FRMPD4: variants seen among roughly 807,000 people sequenced by gnomAD.
FRMPD4 encodes FERM and PDZ domain-containing protein 4.
FRMPD4 carries 22 observed loss-of-function variants against 94.1 expected under a neutral mutation model. That is an observed-to-expected ratio of 0.23 (90% CI 0.17 to 0.33). The LOEUF (loss-of-function observed/expected upper bound fraction) is 0.33, where lower values mean the gene tolerates loss of function less well. FRMPD4 is among the 10% of genes least tolerant of loss of function. The pLI is 1.00. For synonymous variants in FRMPD4, 631 were observed against 548.6 expected (o/e 1.15, Z -2.10); for missense variants, 1,111 against 1,339.9 (o/e 0.83, Z 2.67).
chrX:12,598,612 C>T (rs1361939443), intron 2 of FRMPD4, among the ~76,000 whole-genome samples: 1 of 111,294 alleles, frequency 9.0e-6, no homozygotes, highest in East Asian at 2.8e-4. Flanking sequence ...TTCACATGTA[C>T]AAGGCTCAGA....
At chrX:12,461,400 C>A (rs1318962937) in intron 1 of FRMPD4, among the ~76,000 whole-genome samples, 1 of 112,094 alleles carries the variant, frequency 8.9e-6, no homozygotes, top group Admixed American at 9.4e-5. Context: ...TAGGGAGTTA[C>A]AATTCAAGAT....
chrX:12,096,843 T>C (rs1327922487), intron 3 of FRMPD4, among the ~76,000 whole-genome samples: 2 of 111,526 alleles, frequency 1.8e-5, no homozygotes, highest in Non-Finnish European at 3.8e-5. Flanking sequence ...ACTATGATCA[T>C]GCCACTGCAC....
chrX:12,000,192 C>A (rs188967543), intron 3 of FRMPD4, among the ~76,000 whole-genome samples: 1 of 112,134 alleles, frequency 8.9e-6, no homozygotes, highest in Admixed American at 9.5e-5. Context: ...CCCCTCTCAG[C>A]TCCTACCACA....
At chrX:11,878,065 CT>C (rs2053794900) in intron 3 of FRMPD4, among the ~76,000 whole-genome samples, 1 of 111,960 alleles carries the variant, frequency 8.9e-6, no homozygotes, top group African/African-American at 3.2e-5. Flanking sequence ...CTTATTGTTG[CT>C]TTCTGAGATG....
intron 2 of FRMPD4, among the ~76,000 whole-genome samples, chrX:12,530,740 T>TA (rs963281173): frequency 9.0e-6 from 1 of 111,685 alleles, no homozygotes; most frequent in African/African-American, 3.3e-5. Context: ...AGAAGTCTCT[T>TA]AAAAGAAGGA....
At chrX:12,110,093 C>A (rs1447261110) in intron 3 of FRMPD4, among the ~76,000 whole-genome samples, 1 of 111,906 alleles carries the variant, frequency 8.9e-6, no homozygotes, top group Non-Finnish European at 1.9e-5. Context: ...ATCCTGATAC[C>A]AAAGCCTGAT....
In FRMPD4 at chrX:12,305,725, G is replaced by GTTTTTTTTTTTT. The variant is rs58794898; in HGVS notation, c.41+166724_41+166735dup. Reference sequence around the variant, plus strand: ...GGCATGTACCACCACAGCTGGCTAAGTTTTTTTTTTTTTTTTTTTTTTACA... The same window carrying GTTTTTTTTTTTT: ...GGCATGTACCACCACAGCTGGCTAAGTTTTTTTTTTTTTTTTTTTTTTTTTTTTTTTTTTACA... On this transcript the variant is annotated intron_variant, in intron 1 of 16. Coordinates refer to ENST00000675598, the MANE Select transcript of FRMPD4 (RefSeq NM_001368397.1). Among the ~76,000 whole-genome samples, 26 of 59,701 alleles carry GTTTTTTTTTTTT rather than the reference G, an allele frequency of 4.4e-4. 2 individuals are homozygous for GTTTTTTTTTTTT. Among genetic ancestry groups the GTTTTTTTTTTTT allele is most frequent in the African/African-American group, 1.7e-3 (22 of 13,238 alleles). The allele number at this position is 59,701 out of a possible 115,157, so 51.8% of individuals were successfully genotyped here.
intron 2 of FRMPD4, among the ~76,000 whole-genome samples, chrX:12,520,164 G>A (rs1417708833): frequency 8.9e-6 from 1 of 111,972 alleles, no homozygotes; most frequent in Admixed American, 9.4e-5. Flanking sequence ...ATCAACAGAT[G>A]AATAAACAAA....
At chrX:12,428,071 A>G (rs1349821223) in intron 1 of FRMPD4, among the ~76,000 whole-genome samples, 1 of 108,658 alleles carries the variant, frequency 9.2e-6, no homozygotes, top group Non-Finnish European at 1.9e-5. Context: ...CACCATGCCC[A>G]GCTAATTTTT....
chrX:12,020,644 A>T (rs1373887900), intron 3 of FRMPD4, among the ~76,000 whole-genome samples: 1 of 112,279 alleles, frequency 8.9e-6, no homozygotes, highest in Non-Finnish European at 1.9e-5. Flanking sequence ...GATGTAATTG[A>T]GTTACATATG....
intron 1 of FRMPD4, among the ~76,000 whole-genome samples, chrX:12,413,766 T>A (rs1174243161): frequency 8.9e-6 from 1 of 112,371 alleles, no homozygotes; most frequent in Non-Finnish European, 1.9e-5. Context: ...CCTTTAAATG[T>A]GCAAATTCTT....
intron 1 of FRMPD4, among the ~76,000 whole-genome samples, chrX:12,246,269 G>A (rs1050415990): frequency 1.3e-4 from 15 of 112,070 alleles, no homozygotes; most frequent in East Asian, 2.8e-4. Context: ...AATGAGATCC[G>A]TCCTTCCATT....
At chrX:12,377,505 G>A (rs2056255598) in intron 1 of FRMPD4, among the ~76,000 whole-genome samples, 3 of 112,148 alleles carry the variant, frequency 2.7e-5, no homozygotes, top group Non-Finnish European at 5.6e-5. Flanking sequence ...ATGAAGGACT[G>A]CAGAGCCGTT....
chrX:12,018,923 G>A (rs1464877252), intron 3 of FRMPD4, among the ~76,000 whole-genome samples: 1 of 111,794 alleles, frequency 8.9e-6, no homozygotes, highest in African/African-American at 3.3e-5. Context: ...AAAGTCCTTT[G>A]GCCAGAGGTG....
At chrX:12,107,495 T>C (rs1278055862) in intron 3 of FRMPD4, among the ~76,000 whole-genome samples, 1 of 111,463 alleles carries the variant, frequency 9.0e-6, no homozygotes, top group African/African-American at 3.3e-5. Flanking sequence ...AGAGCGCCTC[T>C]CCCCCTCCAA....
intron 14 of FRMPD4, 71 bp from the exon 15 acceptor site, chrX:12,715,998 G>GCCGGGGGGCCCCCCCC: frequency 2.6e-6 from 1 of 383,858 alleles, no homozygotes; most frequent in Non-Finnish European, 4.7e-6. Flanking sequence ...ACAGAGACGA[G>GCCGGGGGGCCCCCCCC]CCTCCCACCC....
At chrX:12,170,923 A>G (rs5003956) in intron 1 of FRMPD4, among the ~76,000 whole-genome samples, 27,116 of 112,609 alleles carry the variant, frequency 0.24, 2,299 homozygotes, top group South Asian at 0.39. Flanking sequence ...GTGTGGTTCA[A>G]AAGAGGTATG....
At chrX:12,586,426 T>G (rs957995346) in intron 2 of FRMPD4, among the ~76,000 whole-genome samples, 4 of 112,928 alleles carry the variant, frequency 3.5e-5, no homozygotes, top group African/African-American at 1.3e-4. Context: ...ATCTGATGTT[T>G]GCATCTTGCT....
At chrX:12,476,766 T>C (rs921972105) in intron 1 of FRMPD4, among the ~76,000 whole-genome samples, 7 of 111,413 alleles carry the variant, frequency 6.3e-5, no homozygotes, top group Non-Finnish European at 1.3e-4. Context: ...CACAATGAGA[T>C]ACGATCTCAC....
Sources: gnomAD v4.1 joint callset for allele counts (sites outside exome capture counted in the v4.1 genomes callset) on GRCh38, gnomAD v4.1.1 for gene constraint, MANE v1.5 for transcripts, NCBI Gene and HGNC (gene_info 2026-07-23, HGNC 2026-07-21) for gene names.